SH3PXD2B: variants seen among roughly 807,000 people sequenced by gnomAD.
SH3PXD2B encodes SH3 and PX domain-containing protein 2B.
In SH3PXD2B, 37 loss-of-function variants were observed where a neutral mutation model predicts 73.1. The ratio of observed to expected loss-of-function variants is 0.51; its 90% confidence interval spans 0.39 to 0.67. SH3PXD2B has a LOEUF of 0.67. SH3PXD2B is among the 30% of genes least tolerant of loss of function. The pLI is 0.00. For missense variants in SH3PXD2B, 1,053 were observed against 1,197.8 expected (o/e 0.88, Z 1.78); for synonymous variants, 457 against 480.5 (o/e 0.95, Z 0.64).
chr5:172,374,476 G>A (rs577335392), intron 5 of SH3PXD2B, among the ~76,000 whole-genome samples: 1 of 152,360 alleles, frequency 6.6e-6, no homozygotes, highest in Admixed American at 6.5e-5. Flanking sequence ...GAGGTCAGGA[G>A]TTTGAGACCA....
chr5:172,356,359 A>T (rs1450169633), intron 8 of SH3PXD2B, among the ~76,000 whole-genome samples: 1 of 152,098 alleles, frequency 6.6e-6, no homozygotes, highest in Non-Finnish European at 1.5e-5. Flanking sequence ...AAGTCAATAC[A>T]CTTCCCCTTT....
intron 12 of SH3PXD2B, among the ~76,000 whole-genome samples, chr5:172,327,295 A>G (rs1402095439): frequency 6.6e-6 from 1 of 152,350 alleles, no homozygotes; most frequent in East Asian, 1.9e-4. Flanking sequence ...GAAAGGCACT[A>G]TTGTCCCTAT....
In SH3PXD2B at chr5:172,336,018, C is replaced by T; in HGVS notation, c.*2351G>A. On this transcript the variant is annotated 3_prime_UTR_variant, in exon 13 of 13. Transcript: ENST00000311601. ...GGCAAGTCTGCTCCTACCCAGCTGA[C>T]CCCCGGGAGGAAGGAATGAAGCAAG... 1 of 1,004,924 alleles carries T rather than the reference C, an allele frequency of 1.0e-6. No homozygotes were observed. The highest frequency in any genetic ancestry group is 1.2e-6 in the Non-Finnish European group (1 of 843,338). The allele number at this position is 1,004,924 out of a possible 1,614,324, so 62.3% of individuals were successfully genotyped here. A position where few individuals can be genotyped will look rare whatever the true frequency, so the allele number is the denominator to read the frequency against.
chr5:172,396,522 C>T (rs982973539), intron 3 of SH3PXD2B, among the ~76,000 whole-genome samples: 7 of 151,824 alleles, frequency 4.6e-5, no homozygotes, highest in Non-Finnish European at 8.8e-5. Context: ...GTAGCTAATC[C>T]AACATTTTAA....
chr5:172,363,344 C>T (rs1244050693), intron 6 of SH3PXD2B, among the ~76,000 whole-genome samples: 3 of 152,146 alleles, frequency 2.0e-5, no homozygotes, highest in Non-Finnish European at 4.4e-5. Flanking sequence ...TATGAAATCA[C>T]CAGTGATGTT....
intron 1 of SH3PXD2B, among the ~76,000 whole-genome samples, chr5:172,437,377 T>G (rs898966806): frequency 6.6e-6 from 1 of 152,192 alleles, no homozygotes; most frequent in Non-Finnish European, 1.5e-5. Context: ...AAAGTTTGTT[T>G]GATTTCCCAA....
intron 1 of SH3PXD2B, among the ~76,000 whole-genome samples, chr5:172,430,119 A>G: frequency 6.6e-6 from 1 of 152,244 alleles, no homozygotes; most frequent in Non-Finnish European, 1.5e-5. Context: ...TGAAATGAGA[A>G]CATGCATGTA....
intron 4 of SH3PXD2B, among the ~76,000 whole-genome samples, chr5:172,389,477 C>T (rs1233814122): frequency 6.7e-6 from 1 of 149,176 alleles, no homozygotes; most frequent in Admixed American, 6.7e-5. Context: ...TGGGCCTCCA[C>T]CTCCTCATCT....
intron 1 of SH3PXD2B, among the ~76,000 whole-genome samples, chr5:172,429,194 G>C (rs933290490): frequency 2.0e-5 from 3 of 152,228 alleles, no homozygotes; most frequent in African/African-American, 7.2e-5. Flanking sequence ...ACAGAGAGGA[G>C]TGCTTCTCCT....
chr5:172,362,921 G>A, intron 6 of SH3PXD2B, 52 bp from the exon 7 acceptor site: 2 of 1,612,142 alleles, frequency 1.2e-6, no homozygotes, highest in East Asian at 2.2e-5. Flanking sequence ...GCATGAAAGA[G>A]CAGGAGTCAG....
At position 172,334,357 on chromosome 5, in the gene SH3PXD2B, A is replaced by C; in HGVS notation, c.*4012T>G. 2 of 994,120 alleles carry C rather than the reference A, an allele frequency of 2.0e-6. No homozygotes were observed. Among genetic ancestry groups the C allele is most frequent in the Non-Finnish European group, 2.4e-6 (2 of 836,720 alleles). 61.6% of individuals were successfully genotyped at this position (994,120 alleles called of 1,614,324 possible). ...TACTCTAGTTAGGAGCAATTCCTCC[A>C]GGCCAAGAGAGGGCGCCCTGCACCC... On this transcript the variant is annotated 3_prime_UTR_variant, in exon 13 of 13. Coordinates refer to ENST00000311601, the MANE Select transcript of SH3PXD2B (RefSeq NM_001017995.3).
intron 10 of SH3PXD2B, among the ~76,000 whole-genome samples, chr5:172,349,049 A>G (rs1373874894): frequency 6.6e-6 from 1 of 152,036 alleles, no homozygotes; most frequent in Non-Finnish European, 1.5e-5. Flanking sequence ...GAGGCTGCAG[A>G]TTTTCATTTG....
chr5:172,345,876 GA>G (rs1756986300), intron 12 of SH3PXD2B, among the ~76,000 whole-genome samples: 1 of 152,234 alleles, frequency 6.6e-6, no homozygotes, highest in Non-Finnish European at 1.5e-5. Context: ...AGGGGAAATG[GA>G]GGGTGGCTGT....
chr5:172,449,063 A>T (rs999315970), intron 1 of SH3PXD2B, among the ~76,000 whole-genome samples: 2 of 152,200 alleles, frequency 1.3e-5, no homozygotes, highest in Non-Finnish European at 2.9e-5. Context: ...TGCTCAGCAC[A>T]GTGACCCCTA....
chr5:172,452,272 C>G (rs1051546570), intron 1 of SH3PXD2B, among the ~76,000 whole-genome samples: 7 of 152,096 alleles, frequency 4.6e-5, no homozygotes, highest in Admixed American at 2.0e-4. Flanking sequence ...TCTCAGGGGG[C>G]CCCCAAAAAG....
chr5:172,451,963 G>A (rs1486958031), intron 1 of SH3PXD2B, among the ~76,000 whole-genome samples: 1 of 152,198 alleles, frequency 6.6e-6, no homozygotes, highest in African/African-American at 2.4e-5. Context: ...AGGGCCTCTT[G>A]AATCACATGA....
At chr5:172,359,279 C>T (rs754751844) in intron 7 of SH3PXD2B, among the ~76,000 whole-genome samples, 25 of 148,404 alleles carry the variant, frequency 1.7e-4, no homozygotes, top group African/African-American at 6.0e-4. Flanking sequence ...CCCAGCTACT[C>T]GGGAGGCTGA....
chr5:172,399,694 A>G (rs1289577683), intron 3 of SH3PXD2B, among the ~76,000 whole-genome samples: 1 of 152,276 alleles, frequency 6.6e-6, no homozygotes, highest in Non-Finnish European at 1.5e-5. Flanking sequence ...CACCATTTCT[A>G]TTAGCCTGAC....
chr5:172,400,964 C>T (rs369045620), intron 3 of SH3PXD2B, among the ~76,000 whole-genome samples: 16 of 152,260 alleles, frequency 1.1e-4, no homozygotes, highest in Middle Eastern at 3.4e-3. Context: ...TCACTTTAAG[C>T]GCTGTGATCA....
Sources: allele counts gnomAD v4.1 joint callset (sites outside exome capture counted in the v4.1 genomes callset), GRCh38; gene constraint gnomAD v4.1.1; transcripts MANE v1.5; gene names NCBI Gene and HGNC (gene_info 2026-07-23, HGNC 2026-07-21).